Variants in MCTP2 observed in about 807,000 individuals in gnomAD.
The protein encoded by MCTP2 is multiple C2 and transmembrane domain containing 2.
Under a neutral mutation model 111.6 loss-of-function variants are expected in MCTP2, and 132 were observed. The observed-to-expected ratio is 1.18, with a 90% confidence interval of 1.03 to 1.37. MCTP2 has a LOEUF of 1.37. MCTP2 is among the 40% of genes most tolerant of loss of function. The pLI is 0.00. For synonymous variants in MCTP2, 395 were observed against 387.7 expected, an observed-to-expected ratio of 1.02 and a Z score of -0.22; for missense variants, 1,183 against 1,067.9, an observed-to-expected ratio of 1.11 and a Z score of -1.50.
intron 17 of MCTP2, among the ~76,000 whole-genome samples, chr15:94,424,364 C>T (rs900307926): frequency 2.3e-4 from 35 of 151,676 alleles, no homozygotes; most frequent in Admixed American, 1.3e-4. Flanking sequence ...CATCATTATA[C>T]GTATCACCTG....
intron 1 of MCTP2, among the ~76,000 whole-genome samples, chr15:94,249,989 GA>G (rs1004471140): frequency 6.5e-4 from 96 of 148,236 alleles, no homozygotes; most frequent in Admixed American, 5.3e-4. Flanking sequence ...AATAGTAAAA[GA>G]AAAAAAAAGC....
intron 4 of MCTP2, among the ~76,000 whole-genome samples, chr15:94,333,204 C>CTCCA (rs2077208103): frequency 6.6e-6 from 1 of 152,174 alleles, no homozygotes; most frequent in Non-Finnish European, 1.5e-5. Context: ...TGCCACTGTA[C>CTCCA]TCCAGCCTGA....
chr15:94,264,230 T>G (rs550244117), intron 1 of MCTP2, among the ~76,000 whole-genome samples: 1 of 152,278 alleles, frequency 6.6e-6, no homozygotes, highest in Non-Finnish European at 1.5e-5. Context: ...TGGCCTAGGA[T>G]TAAATCCTGC....
chr15:94,479,325 T>A lies in MCTP2; in HGVS notation c.*291T>A, dbSNP rs761791997. On this transcript the variant is annotated 3_prime_UTR_variant, in exon 23 of 23. Transcript: ENST00000357742. ...GGAGATAACAAGGCTGCCATGGATC[T>A]GAACACCACCTTCCTTGAGAACAGC... The A allele has an allele frequency of 1.5e-4, 65 of 426,160 alleles. No individual in the cohort carries two copies. Among genetic ancestry groups the A allele is most frequent in the Non-Finnish European group, 2.5e-4 (59 of 233,892 alleles). The allele number at this position is 426,160 out of a possible 1,614,324, so 26.4% of individuals were successfully genotyped here.
At chr15:94,330,479 G>A (rs1459722549) in intron 4 of MCTP2, among the ~76,000 whole-genome samples, 1 of 151,878 alleles carries the variant, frequency 6.6e-6, no homozygotes, top group Admixed American at 6.6e-5. Context: ...CTAAGCAACT[G>A]TATTCATTGA....
At chr15:94,304,895 C>A (rs2075809905) in intron 2 of MCTP2, among the ~76,000 whole-genome samples, 1 of 152,090 alleles carries the variant, frequency 6.6e-6, no homozygotes, top group Admixed American at 6.5e-5. Context: ...CCTGGCGTGA[C>A]CTCTCCCTTT....
At chr15:94,244,247 C>CGCAT (rs1555439445) in intron 1 of MCTP2, among the ~76,000 whole-genome samples, 1 of 133,774 alleles carries the variant, frequency 7.5e-6, no homozygotes, top group Non-Finnish European at 1.6e-5. Context: ...CACGTGTATA[C>CGCAT]ACATATGTGT....
chr15:94,410,777 C>A (rs986514460), intron 17 of MCTP2, among the ~76,000 whole-genome samples: 4 of 152,220 alleles, frequency 2.6e-5, no homozygotes, highest in Non-Finnish European at 4.4e-5. Flanking sequence ...TGGAAGGGTG[C>A]TAGAACTAGT....
intron 19 of MCTP2, among the ~76,000 whole-genome samples, chr15:94,446,576 C>G (rs189216824): frequency 3.3e-4 from 50 of 152,318 alleles, no homozygotes; most frequent in Non-Finnish European, 5.7e-4. Flanking sequence ...ATCTTGTTTT[C>G]ATTACAGAAG....
chr15:94,390,082 A>ATCCG (rs1555464889), intron 14 of MCTP2, among the ~76,000 whole-genome samples: 1 of 11,122 alleles, frequency 9.0e-5, no homozygotes, highest in Non-Finnish European at 2.7e-4. Flanking sequence ...ATATATATAT[A>ATCCG]TATATATGTA....
In MCTP2 at chr15:94,356,223, A is replaced by G; in HGVS notation, c.1092A>G (p.Glu364=). ...WNGIISITLL[E]GKNVSGGSMT... is the part of the protein sequence containing the mutation. ...GGATTATAAGTATAACTTTGTTGGA[A>G]GGGAAGAATGTCTCAGGAGGAAGCA... Residue 364 remains glutamate, a synonymous_variant, in exon 9 of 23, where the codon GAA becomes GAG. Coordinates refer to ENST00000357742, the MANE Select transcript of MCTP2 (RefSeq NM_001385001.1). The G allele has an allele frequency of 6.2e-7, 1 of 1,613,696 alleles. No individual in the cohort carries two copies. The highest frequency in any genetic ancestry group is 1.1e-5 in the South Asian group (1 of 91,010).
chr15:94,388,880 A>G (rs538433041), intron 14 of MCTP2, among the ~76,000 whole-genome samples: 5 of 152,320 alleles, frequency 3.3e-5, no homozygotes, highest in Admixed American at 2.0e-4. Context: ...AGTTTGTTAT[A>G]TTGCCACAGT....
intron 1 of MCTP2, among the ~76,000 whole-genome samples, chr15:94,265,744 A>G (rs1473680538): frequency 1.3e-5 from 2 of 152,206 alleles, no homozygotes; most frequent in African/African-American, 4.8e-5. Context: ...CTTTTTAAAA[A>G]GGAAGATAAA....
intron 20 of MCTP2, among the ~76,000 whole-genome samples, chr15:94,467,177 A>C (rs973787239): frequency 2.6e-5 from 4 of 152,138 alleles, no homozygotes; most frequent in East Asian, 3.8e-4. Flanking sequence ...TGGTGGGGTA[A>C]ATTACGTAAG....
At chr15:94,434,574 T>C (rs1045796562) in intron 17 of MCTP2, among the ~76,000 whole-genome samples, 4 of 152,102 alleles carry the variant, frequency 2.6e-5, no homozygotes, top group Admixed American at 6.5e-5. Flanking sequence ...TGATTTTTTT[T>C]CCCCATACAT....
At chr15:94,354,657 C>T (rs904234171) in intron 8 of MCTP2, among the ~76,000 whole-genome samples, 16 of 152,134 alleles carry the variant, frequency 1.1e-4, no homozygotes, top group Admixed American at 9.8e-4. Context: ...CGGAGTAATA[C>T]AGATAGGAAG....
intron 20 of MCTP2, among the ~76,000 whole-genome samples, chr15:94,465,224 A>T (rs1459985818): frequency 6.6e-6 from 1 of 152,044 alleles, no homozygotes; most frequent in East Asian, 1.9e-4. Flanking sequence ...TTTCCTAAAT[A>T]CCTTGTTGAC....
chr15:94,475,770 G>C (rs1250905196), intron 21 of MCTP2, among the ~76,000 whole-genome samples: 1 of 152,204 alleles, frequency 6.6e-6, no homozygotes, highest in African/African-American at 2.4e-5. Flanking sequence ...CCAAAGAGCA[G>C]AGTAGAAGAC....
intron 1 of MCTP2, among the ~76,000 whole-genome samples, chr15:94,243,676 T>TATATGTATACACATATGCGTATATACAC (rs1567253168): frequency 3.4e-5 from 5 of 148,804 alleles, no homozygotes; most frequent in African/African-American, 1.2e-4. Flanking sequence ...TATATACACA[T>TATATGTATACACATATGCGTATATACAC]ATATGTATAC....
Sources: gnomAD v4.1 joint callset for allele counts (sites outside exome capture counted in the v4.1 genomes callset) on GRCh38, gnomAD v4.1.1 for gene constraint, MANE v1.5 for transcripts, NCBI Gene and HGNC (gene_info 2026-07-23, HGNC 2026-07-21) for gene names.